Variants in MECOM observed in about 807,000 individuals in gnomAD.
MECOM encodes histone-lysine N-methyltransferase MECOM.
In MECOM, 13 loss-of-function variants were observed where a neutral mutation model predicts 116.3. That is an observed-to-expected ratio of 0.11 (90% CI 0.07 to 0.18). MECOM has a LOEUF of 0.18. MECOM is among the 10% of genes least tolerant of loss of function. The pLI is 1.00. For missense variants in MECOM, 1,299 were observed against 1,509.0 expected, an observed-to-expected ratio of 0.86 and a Z score of 2.31; for synonymous variants, 528 against 535.2, an observed-to-expected ratio of 0.99 and a Z score of 0.19.
At chr3:169,495,918 G>T (rs1161345662) in intron 1 of MECOM, among the ~76,000 whole-genome samples, 3 of 152,110 alleles carry the variant, frequency 2.0e-5, no homozygotes, top group Admixed American at 2.0e-4. Context: ...CTGATGTGAG[G>T]ATCTCATGAG....
rs558581992 is a variant in MECOM at position 169,419,053 on chromosome 3, G to A, written c.38-37529C>T. ...ATAAGCAAATTTAGCAAAGTCTCAG[G>A]ATACAAAATCAATGTGCAAAAATCA... On this transcript the variant is annotated intron_variant, in intron 1 of 16. Transcript: ENST00000651503. Among the ~76,000 whole-genome samples the A allele has an allele frequency of 1.6e-3, 247 of 152,222 alleles. 3 individuals are homozygous for A. The highest frequency in any genetic ancestry group is 5.1e-3 in the African/African-American group (213 of 41,520).
chr3:169,454,859 C>G (rs371181542), intron 1 of MECOM, among the ~76,000 whole-genome samples: 1 of 152,134 alleles, frequency 6.6e-6, no homozygotes, highest in East Asian at 1.9e-4. Flanking sequence ...AAGCCTGACA[C>G]GCCTCATACA....
At chr3:169,423,974 T>C (rs1740212958) in intron 1 of MECOM, among the ~76,000 whole-genome samples, 1 of 152,128 alleles carries the variant, frequency 6.6e-6, no homozygotes, top group Non-Finnish European at 1.5e-5. Flanking sequence ...TAGTGGATGA[T>C]ATTTACTCAG....
At position 169,306,946 on chromosome 3, in the gene MECOM, A is replaced by G. The variant is rs145886653; in HGVS notation, c.375+74241T>C. Reference sequence around the variant, plus strand: ...GATGACTCCCAAACTCTTATCTCCAACCCAGACCACTTCCTTAGGTGCAGT... The same window carrying G: ...GATGACTCCCAAACTCTTATCTCCAGCCCAGACCACTTCCTTAGGTGCAGT... On this transcript the variant is annotated intron_variant, in intron 2 of 16. Coordinates refer to ENST00000651503, the MANE Select transcript of MECOM (RefSeq NM_004991.4). 1.5e-3 allele frequency among the ~76,000 whole-genome samples: 235 copies of G among 152,144 alleles called. 2 individuals carry two copies. The highest frequency in any genetic ancestry group is 5.3e-3 in the African/African-American group (219 of 41,516).
intron 2 of MECOM, among the ~76,000 whole-genome samples, chr3:169,290,528 A>T (rs1053656743): frequency 1.3e-5 from 2 of 152,158 alleles, no homozygotes; most frequent in African/African-American, 4.8e-5. Flanking sequence ...GACCTACATG[A>T]TTATGTACTT....
chr3:169,290,151 T>C (rs969952929), intron 2 of MECOM, among the ~76,000 whole-genome samples: 8 of 151,982 alleles, frequency 5.3e-5, no homozygotes, highest in African/African-American at 1.9e-4. Flanking sequence ...AACAAATCAT[T>C]TCCCAAAAAA....
At chr3:169,356,302 A>G (rs956931704) in intron 2 of MECOM, among the ~76,000 whole-genome samples, 2 of 151,938 alleles carry the variant, frequency 1.3e-5, no homozygotes, top group African/African-American at 2.4e-5. Context: ...GAGAAAAAAA[A>G]CCAAGGTATT....
intron 2 of MECOM, among the ~76,000 whole-genome samples, chr3:169,305,972 T>C (rs1261340602): frequency 2.6e-5 from 4 of 152,184 alleles, no homozygotes; most frequent in African/African-American, 7.2e-5. Context: ...GAAAAACATA[T>C]TTTGATTTCA....
In MECOM at chr3:169,183,464, A is replaced by G. The variant is rs193180776; in HGVS notation, c.376-39632T>C. ...CTTTAGATTTCCCCCTTCTTACCCA[A>G]CCTGCACTTGACTTTTAAGATCAAC... is the stretch of plus-strand genomic sequence containing the variant. On this transcript the variant is annotated intron_variant, in intron 2 of 16. Transcript: ENST00000651503. Among the ~76,000 whole-genome samples the G allele has an allele frequency of 2.0e-5, 3 of 152,234 alleles. No homozygotes were observed. In the East Asian group the frequency reaches 5.8e-4, roughly 29 times the overall value.
At chr3:169,632,954 G>A (rs1162308101) in intron 1 of MECOM, among the ~76,000 whole-genome samples, 2 of 152,162 alleles carry the variant, frequency 1.3e-5, no homozygotes, top group Admixed American at 6.5e-5. Context: ...TCACACAACA[G>A]TGTCAACAAA....
chr3:169,191,973 G>A (rs1293041771), intron 2 of MECOM, among the ~76,000 whole-genome samples: 1 of 151,978 alleles, frequency 6.6e-6, no homozygotes, highest in Non-Finnish European at 1.5e-5. Flanking sequence ...AGTGGGTGGA[G>A]TAAGCCTGTA....
At chr3:169,233,825 G>C (rs543282975) in intron 2 of MECOM, among the ~76,000 whole-genome samples, 1 of 152,094 alleles carries the variant, frequency 6.6e-6, no homozygotes, top group Non-Finnish European at 1.5e-5. Context: ...ACCTAAATTC[G>C]TCACAGTAAC....
chr3:169,628,373 A>T (rs1771642617), intron 1 of MECOM, among the ~76,000 whole-genome samples: 1 of 152,230 alleles, frequency 6.6e-6, no homozygotes, highest in Non-Finnish European at 1.5e-5. Context: ...GAAATTTTTC[A>T]AATTAATTTT....
At chr3:169,471,413 C>T (rs1469634782) in intron 1 of MECOM, among the ~76,000 whole-genome samples, 1 of 151,284 alleles carries the variant, frequency 6.6e-6, no homozygotes, top group African/African-American at 2.4e-5. Context: ...TCCTGTGTAA[C>T]TCCTACCTAG....
chr3:169,470,906 C>T (rs1488608076), intron 1 of MECOM, among the ~76,000 whole-genome samples: 2 of 152,100 alleles, frequency 1.3e-5, no homozygotes, highest in Non-Finnish European at 2.9e-5. Flanking sequence ...ATAAGGCACA[C>T]TTTTAAATGC....
chr3:169,115,272 T>A, intron 8 of MECOM, 111 bp downstream of exon 8: 1 of 1,161,206 alleles, frequency 8.6e-7, no homozygotes, highest in Non-Finnish European at 1.2e-6. Flanking sequence ...ACAACTTCAC[T>A]CTGTTTTATA....
At chr3:169,392,281 A>G (rs1017336408) in intron 1 of MECOM, among the ~76,000 whole-genome samples, 10 of 152,210 alleles carry the variant, frequency 6.6e-5, no homozygotes, top group African/African-American at 2.2e-4. Context: ...GCTCCATACT[A>G]TGAAAAGTGA....
intron 2 of MECOM, among the ~76,000 whole-genome samples, chr3:169,165,494 T>G (rs1336697584): frequency 2.0e-5 from 3 of 152,164 alleles, no homozygotes; most frequent in Non-Finnish European, 4.4e-5. Context: ...AACATTGTCA[T>G]GCTAAATACA....
Position 169,083,595 on chromosome 3 carries a change from AG to A in MECOM, c.*1313del, listed in dbSNP as rs145447974. On this transcript the variant is annotated 3_prime_UTR_variant, in exon 17 of 17. Transcript: ENST00000651503. ...AGTTTATATTGTACAAAGCATTTGA[AG>A]AAAGTACCTCAACTTGCTGATTATT... is the stretch of plus-strand genomic sequence containing the variant. 2,317 of 192,704 alleles carry A rather than the reference AG, an allele frequency of 0.012. 28 individuals are homozygous for A. Among genetic ancestry groups the A allele is most frequent in the Non-Finnish European group, 0.013 (1,211 of 91,860 alleles). 11.9% of individuals were successfully genotyped at this position (192,704 alleles called of 1,614,324 possible).
Sources: gnomAD v4.1 joint callset for allele counts (sites outside exome capture counted in the v4.1 genomes callset) on GRCh38, gnomAD v4.1.1 for gene constraint, MANE v1.5 for transcripts, NCBI Gene and HGNC (gene_info 2026-07-23, HGNC 2026-07-21) for gene names.